Variants in SHANK2 observed in about 807,000 individuals in gnomAD.
The protein encoded by SHANK2 is SH3 and multiple ankyrin repeat domains 2.
Under a neutral mutation model 133.7 loss-of-function variants are expected in SHANK2, and 43 were observed. That is an observed-to-expected ratio of 0.32 (90% CI 0.25 to 0.41). SHANK2 has a LOEUF of 0.41. SHANK2 is among the 10% of genes least tolerant of loss of function. The pLI is 1.00. For missense variants in SHANK2, 1,994 were observed against 2,235.8 expected, an observed-to-expected ratio of 0.89 and a Z score of 2.18; for synonymous variants, 1,017 against 952.8, an observed-to-expected ratio of 1.07 and a Z score of -1.24.
chr11:71,099,105 T>G (rs1951675777), intron 6 of SHANK2, among the ~76,000 whole-genome samples: 1 of 152,014 alleles, frequency 6.6e-6, no homozygotes, highest in South Asian at 2.1e-4. Context: ...AGGGGCACCC[T>G]ACAAGCACCT....
At chr11:71,185,008 T>C (rs1207246680) in intron 2 of SHANK2, among the ~76,000 whole-genome samples, 1 of 152,184 alleles carries the variant, frequency 6.6e-6, no homozygotes, top group African/African-American at 2.4e-5. Context: ...CCCACAGCTG[T>C]CCCGTCTGTA....
At chr11:70,518,460 G>C (rs1554970463) in intron 17 of SHANK2, among the ~76,000 whole-genome samples, 2 of 152,226 alleles carry the variant, frequency 1.3e-5, no homozygotes, top group African/African-American at 4.8e-5. Context: ...CAGGCTCCCT[G>C]AGTGTACAGC....
chr11:70,525,189 C>T (rs2059380439), intron 17 of SHANK2, among the ~76,000 whole-genome samples: 1 of 152,256 alleles, frequency 6.6e-6, no homozygotes, highest in Non-Finnish European at 1.5e-5. Context: ...GCCTCGAGGA[C>T]TTGGGAGCGC....
intron 3 of SHANK2, among the ~76,000 whole-genome samples, chr11:71,129,325 C>T (rs868945897): frequency 3.3e-5 from 5 of 152,144 alleles, no homozygotes; most frequent in Admixed American, 3.3e-4. Context: ...GCTACGCCAC[C>T]GAGGTCTGCA....
intron 17 of SHANK2, among the ~76,000 whole-genome samples, chr11:70,507,312 G>C (rs570038778): frequency 1.1e-4 from 17 of 152,360 alleles, no homozygotes; most frequent in African/African-American, 1.9e-4. Flanking sequence ...GGAAGGGACA[G>C]ATTGAACTCT....
intron 11 of SHANK2, among the ~76,000 whole-genome samples, chr11:70,844,696 G>A (rs777091045): frequency 2.0e-5 from 3 of 152,156 alleles, no homozygotes; most frequent in Admixed American, 6.5e-5. Flanking sequence ...GATGCTTTTC[G>A]ACTTTCCCCA....
chr11:70,720,691 T>C (rs1168637601), intron 14 of SHANK2, among the ~76,000 whole-genome samples: 5 of 152,244 alleles, frequency 3.3e-5, no homozygotes, highest in Admixed American at 1.3e-4. Context: ...GTGGGACTGA[T>C]AGCTGTGTGT....
chr11:70,915,140 G>A (rs1565403262), intron 10 of SHANK2, among the ~76,000 whole-genome samples: 1 of 152,072 alleles, frequency 6.6e-6, no homozygotes, highest in African/African-American at 2.4e-5. Context: ...GCTGGCTTGC[G>A]GGACACGTTC....
At chr11:70,688,578 C>T (rs1945207611) in intron 15 of SHANK2, among the ~76,000 whole-genome samples, 1 of 152,212 alleles carries the variant, frequency 6.6e-6, no homozygotes, top group Admixed American at 6.5e-5. Context: ...ATATATTTCA[C>T]AGATGATATC....
chr11:71,208,652 G>A (rs1225432238), intron 2 of SHANK2, among the ~76,000 whole-genome samples: 2 of 152,216 alleles, frequency 1.3e-5, no homozygotes, highest in East Asian at 1.9e-4. Flanking sequence ...TCTGGAATAC[G>A]AAACACTGGC....
chr11:70,511,554 G>T (rs1368155614), intron 17 of SHANK2, among the ~76,000 whole-genome samples: 2 of 152,200 alleles, frequency 1.3e-5, no homozygotes, highest in Non-Finnish European at 2.9e-5. Flanking sequence ...CCAGGGGAAG[G>T]TATGGCTTGA....
chr11:70,941,002 C>T (rs1032371511), intron 10 of SHANK2, among the ~76,000 whole-genome samples: 1 of 152,018 alleles, frequency 6.6e-6, no homozygotes, highest in Non-Finnish European at 1.5e-5. Context: ...TGGTGGGAGA[C>T]AAAGATAGAG....
In SHANK2 at chr11:70,485,451, C is replaced by T. The variant is rs782005556; in HGVS notation, c.4842G>A (p.Pro1614=). 18 of 1,613,878 alleles carry T rather than the reference C, an allele frequency of 1.1e-5. No individual in the cohort carries two copies. The highest frequency in any genetic ancestry group is 2.2e-5 in the East Asian group (1 of 44,888). The change falls in exon 25 of 26, where the codon CCG becomes CCA. Residue 1614 remains proline, a synonymous_variant. Transcript: ENST00000601538. The surrounding 1 kb of genome is among the most constrained non-coding windows in gnomAD (Gnocchi z 5.8). ...LWGDVTEIKS[P]ILSGPKANVI... is the part of the protein sequence containing the mutation. Reference sequence around the variant, plus strand: ...CGTTTGCCTTTGGGCCTGAGAGAATCGGGCTTTTGATCTCTGTGACGTCGC... The same window carrying T: ...CGTTTGCCTTTGGGCCTGAGAGAATTGGGCTTTTGATCTCTGTGACGTCGC...
chr11:71,215,060 C>G (rs947797607), intron 2 of SHANK2, among the ~76,000 whole-genome samples: 1 of 152,222 alleles, frequency 6.6e-6, no homozygotes, highest in African/African-American at 2.4e-5. Flanking sequence ...GGACAGCTCC[C>G]TCCACCAGCC....
At chr11:70,621,071 T>C (rs545538594) in intron 17 of SHANK2, among the ~76,000 whole-genome samples, 1 of 152,298 alleles carries the variant, frequency 6.6e-6, no homozygotes, top group East Asian at 1.9e-4. Context: ...CCTCAAAGGC[T>C]GTGGGGGCTG....
intron 11 of SHANK2, among the ~76,000 whole-genome samples, chr11:70,847,979 G>A (rs1555064125): frequency 2.6e-5 from 4 of 152,244 alleles, no homozygotes; most frequent in African/African-American, 9.6e-5. Context: ...GGCTGGAGGG[G>A]ACCAGCCAGC....
intron 17 of SHANK2, among the ~76,000 whole-genome samples, chr11:70,549,079 A>G (rs2059732019): frequency 6.6e-6 from 1 of 152,150 alleles, no homozygotes; most frequent in South Asian, 2.1e-4. Context: ...TTCTAGCCAC[A>G]GGGTCTGTGG....
At chr11:70,753,207 A>C (rs367677739) in intron 14 of SHANK2, among the ~76,000 whole-genome samples, 40 of 152,176 alleles carry the variant, frequency 2.6e-4, no homozygotes, top group East Asian at 3.9e-4. Flanking sequence ...ACAAAAAAAA[A>C]CAAAATGGAC....
intron 11 of SHANK2, among the ~76,000 whole-genome samples, chr11:70,879,882 G>A (rs1297959612): frequency 1.3e-5 from 2 of 152,210 alleles, no homozygotes; most frequent in African/African-American, 2.4e-5. Flanking sequence ...AGGAGTCAGG[G>A]AAAGCGGAGT....
Sources: allele counts gnomAD v4.1 joint callset (sites outside exome capture counted in the v4.1 genomes callset), GRCh38; gene constraint gnomAD v4.1.1; non-coding constraint Gnocchi (gnomAD v3.1); transcripts MANE v1.5; gene names NCBI Gene and HGNC (gene_info 2026-07-23, HGNC 2026-07-21).